IDO2: variants seen among roughly 807,000 people sequenced by gnomAD.
The protein encoded by IDO2 is indoleamine 2,3-dioxygenase 2.
A neutral mutation model predicts 45.1 loss-of-function variants in IDO2; 46 were observed. The ratio of observed to expected loss-of-function variants is 1.02; its 90% CI spans 0.80 to 1.30. The LOEUF is 1.30. IDO2 is among the 50% of genes most tolerant of loss of function. The probability of loss-of-function intolerance (pLI) is 0.00; values close to 1 mark genes in which losing one functional copy is unlikely to be tolerated. For synonymous variants in IDO2, 218 were observed against 184.9 expected (o/e 1.18, Z -1.45); for missense variants, 544 against 491.8 (o/e 1.11, Z -1.00).
chr8:39,979,225 G>T lies in IDO2; in HGVS notation c.315+39G>T, dbSNP rs772595207. 45 of 1,554,038 alleles carry T rather than the reference G, an allele frequency of 2.9e-5. No homozygotes were observed. The Admixed American group carries it at 8.2e-4, about 28-fold the overall frequency. On this transcript the variant is annotated intron_variant, in intron 4 of 10. Coordinates refer to ENST00000502986, the Ensembl canonical transcript of IDO2. ...AGCAGCTTCTCCTGTTACCCGGCAG[G>T]TTACCTGCGCCTGGAGTAACGTGCT...
chr8:39,961,217 C>T (rs1054867422), intron 2 of IDO2, among the ~76,000 whole-genome samples: 2 of 150,766 alleles, frequency 1.3e-5, no homozygotes, highest in Non-Finnish European at 3.0e-5. Context: ...ATCTAGGCTT[C>T]TCCTTTCATT....
intron 9 of IDO2, 89 bp downstream of exon 9, chr8:40,005,467 G>A (rs1013099291): frequency 2.5e-5 from 20 of 786,368 alleles, no homozygotes; most frequent in Middle Eastern, 4.8e-4. Context: ...GCTTCCTAGC[G>A]TAAGAAACAT....
At chr8:39,945,143 C>A (rs1807710780) in intron 1 of IDO2, among the ~76,000 whole-genome samples, 1 of 152,214 alleles carries the variant, frequency 6.6e-6, no homozygotes. Flanking sequence ...TTGCAACCTG[C>A]AGGGTGGCCA....
chr8:39,967,993 G>A (rs1418992244), intron 3 of IDO2, among the ~76,000 whole-genome samples: 3 of 150,272 alleles, frequency 2.0e-5, no homozygotes, highest in Non-Finnish European at 2.9e-5. Context: ...GCATTCCTAA[G>A]CATTTATCCA....
At chr8:39,948,390 T>A (rs1286989343) in intron 1 of IDO2, among the ~76,000 whole-genome samples, 1 of 152,164 alleles carries the variant, frequency 6.6e-6, no homozygotes, top group Non-Finnish European at 1.5e-5. Flanking sequence ...TTTGAAGTGG[T>A]TGTGGTTTAT....
chr8:39,956,059 CTTTTTTTTTT>C (rs34663844), intron 2 of IDO2, among the ~76,000 whole-genome samples: 1 of 131,438 alleles, frequency 7.6e-6, no homozygotes, highest in Admixed American at 7.7e-5. Context: ...CATTAGATGA[CTTTTTTTTTT>C]TTTTTTTTGA....
intron 8 of IDO2, among the ~76,000 whole-genome samples, chr8:39,993,085 G>C (rs1440964271): frequency 6.6e-6 from 1 of 152,134 alleles, no homozygotes; most frequent in East Asian, 1.9e-4. Context: ...GCCACTGCCT[G>C]CCGCCTGTCA....
At chr8:39,990,252 T>C (rs1808480971) in intron 8 of IDO2, among the ~76,000 whole-genome samples, 1 of 152,222 alleles carries the variant, frequency 6.6e-6, no homozygotes, top group Non-Finnish European at 1.5e-5. Flanking sequence ...TGTTGGTTCC[T>C]GAGATGTCTG....
intron 1 of IDO2, 138 bp from the exon 2 acceptor site, chr8:39,949,011 G>A (rs1807777472): frequency 3.6e-6 from 4 of 1,106,036 alleles, no homozygotes; most frequent in Non-Finnish European, 5.0e-6. Context: ...GAAAGTCCAT[G>A]ATGATCTGGA....
intron 3 of IDO2, among the ~76,000 whole-genome samples, chr8:39,967,032 C>T (rs189919800): frequency 6.6e-6 from 1 of 152,110 alleles, no homozygotes; most frequent in South Asian, 2.1e-4. Flanking sequence ...CCACACACAT[C>T]CCAGAACTCC....
intron 1 of IDO2, among the ~76,000 whole-genome samples, chr8:39,936,852 C>T (rs977471107): frequency 2.0e-5 from 3 of 152,184 alleles, no homozygotes; most frequent in East Asian, 1.9e-4. Flanking sequence ...AGAAAATAAA[C>T]GTGGAAGTCG....
In IDO2 at chr8:39,996,373, C is replaced by T. The variant is rs115840632; in HGVS notation, c.667+6535C>T. Among the ~76,000 whole-genome samples, 729 of 152,342 alleles carry T rather than the reference C, an allele frequency of 4.8e-3. 8 individuals are homozygous for T. Among genetic ancestry groups the T allele is most frequent in the African/African-American group, 0.016 (656 of 41,580 alleles). ...GAAGTAATGGCGTAAGCTGTCACGT[C>T]TCTCTCTCCGCCTCAGCTGCCAAAC... On this transcript the variant is annotated intron_variant, in intron 8 of 10. Transcript: ENST00000502986.
intron 8 of IDO2, among the ~76,000 whole-genome samples, chr8:39,999,666 G>A (rs914570804): frequency 1.3e-5 from 2 of 152,152 alleles, no homozygotes; most frequent in African/African-American, 4.8e-5. Context: ...ATTTCACTGT[G>A]TTGGCCAGGC....
intron 2 of IDO2, 139 bp downstream of exon 2, chr8:39,949,403 A>T (rs1356009579): frequency 1.6e-6 from 1 of 625,900 alleles, no homozygotes; most frequent in African/African-American, 1.9e-5. Flanking sequence ...TGCTACAAAG[A>T]GCATAGATTA....
chr8:40,009,315 T>C (rs149386108), intron 9 of IDO2, among the ~76,000 whole-genome samples: 340 of 152,284 alleles, frequency 2.2e-3, no homozygotes, highest in African/African-American at 7.8e-3. Context: ...ACACCTGGCC[T>C]TTTTGCTTAC....
intron 3 of IDO2, among the ~76,000 whole-genome samples, chr8:39,970,625 C>T (rs567826736): frequency 2.0e-5 from 3 of 152,066 alleles, no homozygotes; most frequent in East Asian, 3.9e-4. Context: ...CTCCTGACCT[C>T]AGGTGATCCA....
chr8:39,936,407 A>G (rs958812164), intron 1 of IDO2, among the ~76,000 whole-genome samples: 3 of 152,214 alleles, frequency 2.0e-5, no homozygotes, highest in Admixed American at 2.0e-4. Context: ...TCCACTGTGA[A>G]CAATTCTCTG....
intron 8 of IDO2, among the ~76,000 whole-genome samples, chr8:39,995,413 T>C (rs916353748): frequency 4.0e-5 from 6 of 151,504 alleles, no homozygotes; most frequent in Non-Finnish European, 8.8e-5. Context: ...CCCAAGTAAC[T>C]GGGATTACAG....
intron 10 of IDO2, 122 bp downstream of exon 10, chr8:40,013,835 G>A (rs1802346340): frequency 1.3e-6 from 1 of 761,686 alleles, no homozygotes; most frequent in Middle Eastern, 2.7e-4. Flanking sequence ...ACTTCTCTAA[G>A]TCAGCCAAGA....
Sources: gnomAD v4.1 joint callset for allele counts (sites outside exome capture counted in the v4.1 genomes callset) on GRCh38, gnomAD v4.1.1 for gene constraint, MANE v1.5 for transcripts, NCBI Gene and HGNC (gene_info 2026-07-23, HGNC 2026-07-21) for gene names.